The following STX5 variants were observed in gnomAD, a reference collection of about 807,000 sequenced individuals.
STX5 encodes the protein syntaxin-5.
In STX5, 15 loss-of-function variants were observed where a neutral mutation model predicts 42.9. The ratio of observed to expected loss-of-function variants is 0.35; its 90% CI spans 0.23 to 0.54. The LOEUF is 0.54. Among genes scored for constraint, STX5 ranks in the 20% least tolerant of loss-of-function variants. The probability of loss-of-function intolerance (pLI) is 0.91; values close to 1 mark genes in which losing one functional copy is unlikely to be tolerated. For synonymous variants in STX5, 184 were observed against 173.2 expected (o/e 1.06, Z -0.49); for missense variants, 430 against 455.0 (o/e 0.95, Z 0.50).
chr11:62,822,471 T>G (rs1174108925), intron 10 of STX5, among the ~76,000 whole-genome samples: 1 of 152,076 alleles, frequency 6.6e-6, no homozygotes, highest in African/African-American at 2.4e-5. Flanking sequence ...GACCACACCT[T>G]GTACAACTCT....
At chr11:62,808,964 G>C (rs752568315) in intron 10 of STX5, among the ~76,000 whole-genome samples, 1 of 152,072 alleles carries the variant, frequency 6.6e-6, no homozygotes, top group Non-Finnish European at 1.5e-5. Flanking sequence ...GTCTTAAATT[G>C]AAAGAAAAAA....
chr11:62,811,142 T>C (rs764072009), intron 10 of STX5, among the ~76,000 whole-genome samples: 26 of 152,140 alleles, frequency 1.7e-4, no homozygotes, highest in Non-Finnish European at 2.5e-4. Flanking sequence ...CCTGACTCCA[T>C]GGGGGATCTG....
chr11:62,824,249 G>A lies in STX5; in HGVS notation c.825C>T (p.Asn275=), dbSNP rs1240008038. The A allele has an allele frequency of 6.2e-7, 1 of 1,614,146 alleles. No individual in the cohort carries two copies. Among genetic ancestry groups the A allele is most frequent in the African/African-American group, 1.3e-5 (1 of 75,020 alleles). Residue 275 remains asparagine (N), a synonymous_variant, in exon 10 of 11, where the codon AAC becomes AAT. Coordinates refer to ENST00000294179, the MANE Select transcript of STX5 (RefSeq NM_003164.5). The part of the protein sequence containing the change: ...YIQSRADTMQ[N]IESTIVELGS... ...CCAACTCAACAATTGTCGACTCAAT[G>A]TTCTGCATGGTGTCTGCCCGACTCT...
At chr11:62,815,111 G>C (rs11608108) in intron 10 of STX5, among the ~76,000 whole-genome samples, 1 of 151,248 alleles carries the variant, frequency 6.6e-6, no homozygotes, top group African/African-American at 2.4e-5. Flanking sequence ...AGGTTCAAGC[G>C]ATTCTCCTGC....
chr11:62,829,128 G>GA (rs1433452250), intron 2 of STX5, among the ~76,000 whole-genome samples: 3 of 151,850 alleles, frequency 2.0e-5, no homozygotes, highest in African/African-American at 4.8e-5. Context: ...TGGGATTGTT[G>GA]AAAAAAACAC....
chr11:62,808,260 T>G (rs2084574783), intron 10 of STX5, among the ~76,000 whole-genome samples: 1 of 151,384 alleles, frequency 6.6e-6, no homozygotes, highest in South Asian at 2.1e-4. Flanking sequence ...ACCCCATCTC[T>G]GCAAAAAATA....
chr11:62,816,777 T>C (rs1225918610), intron 10 of STX5, among the ~76,000 whole-genome samples: 1 of 142,168 alleles, frequency 7.0e-6, no homozygotes, highest in Non-Finnish European at 1.5e-5. Context: ...TGGTGGTACG[T>C]GACTGTACTC....
intron 10 of STX5, 81 bp from the exon 11 acceptor site, chr11:62,807,709 G>A: frequency 6.4e-7 from 1 of 1,569,696 alleles, no homozygotes; most frequent in Non-Finnish European, 8.7e-7. Flanking sequence ...TATTGACATG[G>A]AAAGATGGTC....
intron 10 of STX5, among the ~76,000 whole-genome samples, chr11:62,821,210 A>G (rs1450222666): frequency 6.6e-6 from 1 of 152,050 alleles, no homozygotes; most frequent in Admixed American, 6.6e-5. Flanking sequence ...CGGGAGGCTC[A>G]GGCAGGAGAA....
intron 10 of STX5, 80 bp downstream of exon 10, chr11:62,824,086 A>G (rs1590972385): frequency 6.3e-7 from 1 of 1,596,928 alleles, no homozygotes; most frequent in Non-Finnish European, 8.6e-7. Context: ...AAAGGCATCA[A>G]GCAGTCCCTG....
chr11:62,815,164 C>A (rs1028639012), intron 10 of STX5, among the ~76,000 whole-genome samples: 1 of 151,228 alleles, frequency 6.6e-6, no homozygotes, highest in African/African-American at 2.4e-5. Context: ...CGCAGCACCA[C>A]GCCCAGTTAA....
chr11:62,823,567 A>G (rs555089055), intron 10 of STX5, among the ~76,000 whole-genome samples: 1 of 151,970 alleles, frequency 6.6e-6, no homozygotes, highest in South Asian at 2.1e-4. Flanking sequence ...TTTTTTTGAC[A>G]CAGAATCTGG....
intron 10 of STX5, among the ~76,000 whole-genome samples, chr11:62,816,890 T>C (rs1292922007): frequency 6.6e-6 from 1 of 151,462 alleles, no homozygotes; most frequent in Admixed American, 6.6e-5. Context: ...CAAGACTCTG[T>C]CTCAAAAAAA....
chr11:62,815,145 C>T lies in STX5; in HGVS notation c.909-7517G>A, dbSNP rs547921761. Among the ~76,000 whole-genome samples the T allele has an allele frequency of 6.6e-5, 10 of 151,674 alleles. No individual in the cohort carries two copies. In the East Asian group the frequency reaches 2.0e-3, roughly 30 times the overall value. ...GCCTCAGCCTCCCGAGTAGCTGGGA[C>T]TACAGGCACGCAGCACCACGCCCAG... On this transcript the variant is annotated intron_variant, in intron 10 of 10. Transcript: ENST00000294179.
chr11:62,822,292 G>A (rs906806199), intron 10 of STX5, among the ~76,000 whole-genome samples: 1 of 152,112 alleles, frequency 6.6e-6, no homozygotes, highest in Non-Finnish European at 1.5e-5. Context: ...GAACCTAGGA[G>A]GTGGAGGTTG....
At chr11:62,820,328 G>A (rs916961857) in intron 10 of STX5, among the ~76,000 whole-genome samples, 1 of 148,834 alleles carries the variant, frequency 6.7e-6, no homozygotes, top group African/African-American at 2.5e-5. Context: ...GAGATCACGC[G>A]ACTGCACTCC....
At chr11:62,829,750 G>C (rs774367017) in intron 2 of STX5, among the ~76,000 whole-genome samples, 3 of 151,804 alleles carry the variant, frequency 2.0e-5, no homozygotes, top group Non-Finnish European at 4.4e-5. Flanking sequence ...TGGTGACAGA[G>C]TGAGACCATG....
At chr11:62,820,950 T>C (rs754379119) in intron 10 of STX5, among the ~76,000 whole-genome samples, 1 of 152,212 alleles carries the variant, frequency 6.6e-6, no homozygotes, top group Admixed American at 6.5e-5. Flanking sequence ...TTCTGTTTTA[T>C]TTCAATGGTT....
chr11:62,812,983 G>A (rs1021494068), intron 10 of STX5, among the ~76,000 whole-genome samples: 24 of 151,344 alleles, frequency 1.6e-4, no homozygotes, highest in Admixed American at 4.6e-4. Flanking sequence ...ATGGTGGCTC[G>A]TGCCTGTAGT....
Sources: allele counts gnomAD v4.1 joint callset (sites outside exome capture counted in the v4.1 genomes callset), GRCh38; gene constraint gnomAD v4.1.1; transcripts MANE v1.5; gene names NCBI Gene and HGNC (gene_info 2026-07-23, HGNC 2026-07-21).